TMX3: variants seen among roughly 807,000 people sequenced by gnomAD.
The protein encoded by TMX3 is thioredoxin related transmembrane protein 3, also known as protein disulfide-isomerase TMX3.
Under a neutral mutation model 64.4 loss-of-function variants are expected in TMX3, and 40 were observed. That is an observed-to-expected ratio of 0.62 (90% CI 0.48 to 0.81). TMX3 has a LOEUF of 0.81. Among genes scored for constraint, TMX3 ranks in the 30% least tolerant of loss-of-function variants. The probability of loss-of-function intolerance (pLI) is 0.00; values close to 1 mark genes in which losing one functional copy is unlikely to be tolerated. For synonymous variants in TMX3, 189 were observed against 175.7 expected, an observed-to-expected ratio of 1.08 and a Z score of -0.60; for missense variants, 497 against 534.5, an observed-to-expected ratio of 0.93 and a Z score of 0.69.
In TMX3 at chr18:68,680,970, G is replaced by T; in HGVS notation, c.1035+11C>A. 6.4e-7 allele frequency: 1 copy of T among 1,566,090 alleles called. No individual in the cohort carries two copies. The highest frequency in any genetic ancestry group is 1.2e-5 in the South Asian group (1 of 80,892). ...TCCATCATCTCTTTGAAACAGAAGTGAACAACTTACTTCTACTGTGCCATC... is the reference window on the plus strand; with the variant it reads ...TCCATCATCTCTTTGAAACAGAAGTTAACAACTTACTTCTACTGTGCCATC... On this transcript the variant is annotated intron_variant, in intron 14 of 15. Transcript: ENST00000299608.
At chr18:68,702,051 A>C (rs1044016047) in intron 4 of TMX3, among the ~76,000 whole-genome samples, 4 of 151,330 alleles carry the variant, frequency 2.6e-5, no homozygotes, top group African/African-American at 9.7e-5. Context: ...ATAGTTAAAA[A>C]TTTATAAAAT....
Position 68,713,881 on chromosome 18 carries a change from G to A in TMX3, c.66C>T (p.Val22=), listed in dbSNP as rs1230357548. 19 of 1,575,746 alleles carry A rather than the reference G, an allele frequency of 1.2e-5. No individual in the cohort carries two copies. Among genetic ancestry groups the A allele is most frequent in the East Asian group, 9.0e-5 (4 of 44,504 alleles). The change falls in exon 2 of 16, where the codon GTC becomes GTT. Residue 22 remains valine (V), a synonymous_variant. Coordinates refer to ENST00000299608, the MANE Select transcript of TMX3 (RefSeq NM_019022.5). ...AATCTTCTACAAATCCTTTACAGAC[G>A]ACCATATCAAGTACAACAACTGAAA... ...LCATVVVLDM[V]VCKGFVEDLD...
At chr18:68,688,604 C>T (rs1200056625) in intron 9 of TMX3, 2 of 151,956 alleles carry the variant, frequency 1.3e-5, no homozygotes, top group South Asian at 2.1e-4. Context: ...TCTTGCATTG[C>T]TAAACAAAAC....
At position 68,674,872 on chromosome 18, in the gene TMX3, G is replaced by C. The variant is rs986726119; in HGVS notation, c.*2061C>G. On this transcript the variant is annotated 3_prime_UTR_variant, in exon 16 of 16. Coordinates refer to ENST00000299608, the MANE Select transcript of TMX3 (RefSeq NM_019022.5). ...GCAAACAGTACAAAGCTGTGAAAAG[G>C]GTAGCAGAGAACTGAGGCATTCATT... is the stretch of plus-strand genomic sequence containing the variant. 6.6e-6 allele frequency: 1 copy of C among 152,038 alleles called. No individual in the cohort carries two copies. Among genetic ancestry groups the C allele is most frequent in the East Asian group, 1.9e-4 (1 of 5,200 alleles). The allele number at this position is 152,038 out of a possible 1,614,324, so 9.4% of individuals were successfully genotyped here.
chr18:68,696,750 T>C (rs1915114922), intron 8 of TMX3, among the ~76,000 whole-genome samples: 1 of 152,148 alleles, frequency 6.6e-6, no homozygotes, highest in African/African-American at 2.4e-5. Flanking sequence ...GTGCTGGGAT[T>C]ACAGGCATGA....
intron 1 of TMX3, 78 bp downstream of exon 1, chr18:68,714,858 C>G: frequency 1.9e-6 from 3 of 1,540,278 alleles, no homozygotes; most frequent in East Asian, 4.9e-5. Flanking sequence ...TCGCCCCAGA[C>G]CCGGGTCCAA....
At chr18:68,694,441 G>A (rs1914856185) in intron 8 of TMX3, among the ~76,000 whole-genome samples, 1 of 152,190 alleles carries the variant, frequency 6.6e-6, no homozygotes, top group African/African-American at 2.4e-5. Context: ...CTTCCCCGTG[G>A]CAGCCAGCAT....
At chr18:68,709,335 T>C (rs1024111143) in intron 4 of TMX3, among the ~76,000 whole-genome samples, 2 of 152,062 alleles carry the variant, frequency 1.3e-5, no homozygotes, top group African/African-American at 4.8e-5. Context: ...TTAAAACAGG[T>C]GTCGGTATAA....
Position 68,711,357 on chromosome 18 carries a change from T to C in TMX3, c.141+7A>G, listed in dbSNP as rs2031253868. 4 of 1,579,318 alleles carry C rather than the reference T, an allele frequency of 2.5e-6. No individual in the cohort carries two copies. The highest frequency in any genetic ancestry group is 2.6e-6 in the Non-Finnish European group (3 of 1,158,248). On this transcript the variant is annotated splice_region_variant and intron_variant, in intron 3 of 15. Transcript: ENST00000299608. ...GGGTAATTAGCATATAAAATTTACATACTTACATCTACAAGCCAAATGTCA... is the reference window on the plus strand; with the variant it reads ...GGGTAATTAGCATATAAAATTTACACACTTACATCTACAAGCCAAATGTCA...
intron 12 of TMX3, among the ~76,000 whole-genome samples, chr18:68,683,506 G>C (rs1172827447): frequency 1.3e-5 from 2 of 151,930 alleles, no homozygotes; most frequent in Non-Finnish European, 2.9e-5. Context: ...TTTTTATTCA[G>C]TTATTCTTTT....
At chr18:68,694,574 T>C (rs908986333) in intron 8 of TMX3, among the ~76,000 whole-genome samples, 2 of 152,134 alleles carry the variant, frequency 1.3e-5, no homozygotes, top group Non-Finnish European at 2.9e-5. Flanking sequence ...AAGGGCAGCC[T>C]GCCAGGCTGA....
intron 6 of TMX3, among the ~76,000 whole-genome samples, chr18:68,698,900 T>C (rs1014457459): frequency 5.5e-5 from 4 of 72,988 alleles, no homozygotes; most frequent in Admixed American, 1.5e-4. Flanking sequence ...CGGGCGCCTG[T>C]AGTCCCAGCT....
chr18:68,680,859 G>T, intron 14 of TMX3, 122 bp downstream of exon 14: 1 of 896,318 alleles, frequency 1.1e-6, no homozygotes. Context: ...ATGTATGGAG[G>T]TCCAGCCCTC....
intron 13 of TMX3, among the ~76,000 whole-genome samples, chr18:68,682,614 C>T (rs944117981): frequency 6.6e-6 from 1 of 151,944 alleles, no homozygotes; most frequent in African/African-American, 2.4e-5. Flanking sequence ...TAAAACAGAA[C>T]TTCTCAAGGT....
At chr18:68,701,163 A>C in intron 5 of TMX3, 1 of 277,916 alleles carries the variant, frequency 3.6e-6, no homozygotes, top group Non-Finnish European at 5.4e-6. Flanking sequence ...GTCGACACAA[A>C]ACCCAATATA....
intron 6 of TMX3, among the ~76,000 whole-genome samples, chr18:68,698,372 C>T (rs886644146): frequency 2.0e-5 from 3 of 151,968 alleles, no homozygotes; most frequent in African/African-American, 7.3e-5. Flanking sequence ...AAGACAATTC[C>T]CAAGAGAGTT....
At chr18:68,701,859 CT>C in intron 4 of TMX3, 69 bp from the exon 5 acceptor site, 1 of 1,284,896 alleles carries the variant, frequency 7.8e-7, no homozygotes, top group Non-Finnish European at 1.1e-6. Context: ...ACAAATGAGG[CT>C]TTTACTTTAA....
intron 9 of TMX3, chr18:68,689,912 TAAATA>T (rs1411368684): frequency 6.6e-6 from 1 of 152,304 alleles, no homozygotes; most frequent in East Asian, 1.9e-4. Flanking sequence ...GATTACTTTG[TAAATA>T]AAATGAAAAT....
chr18:68,707,294 G>A (rs543128434), intron 4 of TMX3, among the ~76,000 whole-genome samples: 1 of 152,006 alleles, frequency 6.6e-6, no homozygotes, highest in African/African-American at 2.4e-5. Flanking sequence ...GAGAGAGGGG[G>A]ATGGTGGAGG....
Sources: allele counts gnomAD v4.1 joint callset (sites outside exome capture counted in the v4.1 genomes callset), GRCh38; gene constraint gnomAD v4.1.1; transcripts MANE v1.5; gene names NCBI Gene and HGNC (gene_info 2026-07-23, HGNC 2026-07-21).